The following NUDCD1 variants were observed in gnomAD, a reference collection of about 807,000 sequenced individuals.
NUDCD1 encodes the protein NudC domain containing 1.
NUDCD1 carries 60 observed loss-of-function variants against 67.8 expected under a neutral mutation model. The ratio of observed to expected loss-of-function variants is 0.88; its 90% CI spans 0.72 to 1.10. The LOEUF is 1.10. NUDCD1 is among the 50% of genes least tolerant of loss of function. The probability of loss-of-function intolerance (pLI) is 0.00; values close to 1 mark genes in which losing one functional copy is unlikely to be tolerated. For missense variants in NUDCD1, 643 were observed against 695.0 expected, an observed-to-expected ratio of 0.93 and a Z score of 0.84; for synonymous variants, 244 against 230.8, an observed-to-expected ratio of 1.06 and a Z score of -0.52.
At position 109,271,009 on chromosome 8, in the gene NUDCD1, T is replaced by G. The variant is rs1041149014; in HGVS notation, c.1295A>C (p.His432Pro). ...RFDGNTLKTT[H>P]VVNLGSNQYL... ...ATATTAATATCAGTAACTTACCACA[T>G]GAGTAGTTTTTAATGTATTGCCATC... Residue 432 changes from histidine (H) to proline (P), a missense_variant, in exon 8 of 10, where the codon CAT (histidine) becomes CCT (proline). By Grantham distance (77) the His-to-Pro change is moderately conservative (BLOSUM62 -2). Coordinates refer to ENST00000239690, the MANE Select transcript of NUDCD1 (RefSeq NM_032869.4). The G allele has an allele frequency of 1.2e-5, 19 of 1,572,918 alleles. No individual in the cohort carries two copies. Among genetic ancestry groups the G allele is most frequent in the Non-Finnish European group, 1.6e-5 (18 of 1,155,938 alleles).
intron 8 of NUDCD1, among the ~76,000 whole-genome samples, chr8:109,247,376 G>A (rs767032068): frequency 6.6e-6 from 1 of 152,138 alleles, no homozygotes; most frequent in Non-Finnish European, 1.5e-5. Flanking sequence ...ATAATTGAAT[G>A]ATCTCTGGTC....
chr8:109,260,870 T>C (rs1193342380), intron 8 of NUDCD1, among the ~76,000 whole-genome samples: 2 of 152,216 alleles, frequency 1.3e-5, no homozygotes, highest in African/African-American at 4.8e-5. Context: ...ACATGCTTGT[T>C]CCCCACATGA....
intron 2 of NUDCD1, chr8:109,313,797 C>T: frequency 2.2e-6 from 2 of 899,936 alleles, no homozygotes; most frequent in Non-Finnish European, 3.2e-6. Flanking sequence ...TTTAAAATAC[C>T]TGGTTATACA....
intron 5 of NUDCD1, 50 bp from the exon 6 acceptor site, chr8:109,281,222 T>TAC (rs768212345): frequency 6.7e-6 from 8 of 1,199,894 alleles, no homozygotes; most frequent in East Asian, 2.3e-5. Flanking sequence ...AGAGAAAGCA[T>TAC]ACACACACAC....
chr8:109,321,077 T>A (rs1307854775), intron 2 of NUDCD1, among the ~76,000 whole-genome samples: 1 of 152,160 alleles, frequency 6.6e-6, no homozygotes, highest in Admixed American at 6.5e-5. Flanking sequence ...AAATTACATA[T>A]TAAAAACATG....
chr8:109,275,321 G>A (rs369096492), intron 7 of NUDCD1, 31 bp downstream of exon 7: 2 of 1,593,538 alleles, frequency 1.3e-6, no homozygotes, highest in South Asian at 2.3e-5. Flanking sequence ...TTGGACCCTT[G>A]GAAAGTCACA....
chr8:109,319,252 C>T (rs868152081), intron 2 of NUDCD1, among the ~76,000 whole-genome samples: 5 of 152,244 alleles, frequency 3.3e-5, no homozygotes, highest in Middle Eastern at 6.8e-3. Flanking sequence ...GGATTACAGG[C>T]GTGAGCCACC....
At chr8:109,321,871 G>C (rs1815548592) in intron 2 of NUDCD1, among the ~76,000 whole-genome samples, 1 of 152,038 alleles carries the variant, frequency 6.6e-6, no homozygotes, top group Non-Finnish European at 1.5e-5. Context: ...ACAGAACCTA[G>C]AGATAAAGAG....
chr8:109,248,099 G>C (rs1044809109), intron 8 of NUDCD1, among the ~76,000 whole-genome samples: 1 of 152,122 alleles, frequency 6.6e-6, no homozygotes, highest in African/African-American at 2.4e-5. Context: ...CAAAATCAAG[G>C]GGATAGACAG....
rs1255517291 is a variant in NUDCD1 at position 109,296,670 on chromosome 8, T to C, written c.274-101A>G. Reference sequence around the variant, plus strand: ...TGGTGGTTTCTCTCCTTTTTAAGAGTTGGAGTCTAATTCCTCTTCCTTTGA... The same window carrying C: ...TGGTGGTTTCTCTCCTTTTTAAGAGCTGGAGTCTAATTCCTCTTCCTTTGA... On this transcript the variant is annotated intron_variant, in intron 2 of 9. Coordinates refer to ENST00000239690, the MANE Select transcript of NUDCD1 (RefSeq NM_032869.4). 10 of 806,772 alleles carry C rather than the reference T, an allele frequency of 1.2e-5. No homozygotes were observed. The East Asian group carries it at 2.7e-4, about 22-fold the overall frequency. The allele number at this position is 806,772 out of a possible 1,614,324, so 50.0% of individuals were successfully genotyped here. A position where few individuals can be genotyped will look rare whatever the true frequency, so the allele number is the denominator to read the frequency against.
At chr8:109,259,251 G>C (rs966183384) in intron 8 of NUDCD1, among the ~76,000 whole-genome samples, 2 of 152,314 alleles carry the variant, frequency 1.3e-5, no homozygotes, top group South Asian at 4.1e-4. Flanking sequence ...AGGCTTACTG[G>C]CCATCTCCAC....
intron 5 of NUDCD1, among the ~76,000 whole-genome samples, chr8:109,286,975 C>T (rs960041400): frequency 5.3e-5 from 8 of 152,048 alleles, no homozygotes; most frequent in East Asian, 1.9e-4. Flanking sequence ...AACAGCACTT[C>T]GCAAAACAAG....
At chr8:109,272,804 G>A (rs1023018880) in intron 7 of NUDCD1, among the ~76,000 whole-genome samples, 1 of 152,100 alleles carries the variant, frequency 6.6e-6, no homozygotes, top group East Asian at 1.9e-4. Flanking sequence ...TGTGGCTGTT[G>A]CCTCTACTCT....
Position 109,243,267 on chromosome 8 carries a change from A to C in NUDCD1, c.1494T>G (p.Phe498Leu). ...YVQASKRDKKFFACAPNYSYA... is the reference protein window; with the variant it reads ...YVQASKRDKKLFACAPNYSYA... ...ACGAGTAATTTGGAGCACAGGCAAA[A>C]AATTTTTTGTCTCTCTTTGATGCTT... Residue 498 changes from phenylalanine (F) to leucine (L), a missense_variant, in exon 10 of 10, where the codon TTT becomes TTG. Coordinates refer to ENST00000239690, the MANE Select transcript of NUDCD1 (RefSeq NM_032869.4). 17 of 1,601,780 alleles carry C rather than the reference A, an allele frequency of 1.1e-5. No homozygotes were observed. The highest frequency in any genetic ancestry group is 1.5e-5 in the Non-Finnish European group (17 of 1,170,994).
chr8:109,273,660 A>G lies in NUDCD1; in HGVS notation c.1173+1692T>C, dbSNP rs573404975. On this transcript the variant is annotated intron_variant, in intron 7 of 9. Transcript: ENST00000239690. ...TTAAAAGAAATGAAAAACATTAAAAACTAAGGCACCATAGTTAAGTGCCTT... is the reference window on the plus strand; with the variant it reads ...TTAAAAGAAATGAAAAACATTAAAAGCTAAGGCACCATAGTTAAGTGCCTT... Among the ~76,000 whole-genome samples the G allele has an allele frequency of 7.2e-5, 11 of 152,254 alleles. No homozygotes were observed. In the East Asian group the frequency reaches 1.9e-3, roughly 27 times the overall value.
intron 7 of NUDCD1, among the ~76,000 whole-genome samples, chr8:109,274,495 A>G (rs1379033058): frequency 3.3e-5 from 5 of 152,182 alleles, no homozygotes; most frequent in Non-Finnish European, 2.9e-5. Context: ...GGCTTGTTGT[A>G]AACAGGGCTA....
At chr8:109,268,248 T>A (rs1255792546) in intron 8 of NUDCD1, among the ~76,000 whole-genome samples, 1 of 152,012 alleles carries the variant, frequency 6.6e-6, no homozygotes, top group Non-Finnish European at 1.5e-5. Context: ...GTAAGAAAAA[T>A]CGGTGTATTT....
chr8:109,249,402 T>C (rs1029300004), intron 8 of NUDCD1, among the ~76,000 whole-genome samples: 6 of 152,326 alleles, frequency 3.9e-5, no homozygotes, highest in African/African-American at 1.4e-4. Context: ...ACAGCTCTTA[T>C]ACAATTTTAT....
chr8:109,272,975 C>A (rs905591482), intron 7 of NUDCD1, among the ~76,000 whole-genome samples: 1 of 152,152 alleles, frequency 6.6e-6, no homozygotes, highest in African/African-American at 2.4e-5. Flanking sequence ...CCTTCCCCTT[C>A]CAATTATTCA....
Sources: allele counts gnomAD v4.1 joint callset (sites outside exome capture counted in the v4.1 genomes callset), GRCh38; gene constraint gnomAD v4.1.1; transcripts MANE v1.5; gene names NCBI Gene and HGNC (gene_info 2026-07-23, HGNC 2026-07-21).